Variants in TYR observed in about 807,000 individuals in gnomAD.
TYR encodes the protein tyrosinase.
In TYR, 58 loss-of-function variants were observed where a neutral mutation model predicts 51.5. The observed-to-expected ratio is 1.13, with a 90% CI of 0.91 to 1.40. The LOEUF is 1.40. Among genes scored for constraint, TYR ranks in the 40% most tolerant of loss-of-function variants. TYR has a pLI of 0.00. For synonymous variants in TYR, 263 were observed against 235.2 expected (o/e 1.12, Z -1.08); for missense variants, 732 against 647.4 (o/e 1.13, Z -1.42).
chr11:89,181,481 T>C (rs371920909), intron 1 of TYR, among the ~76,000 whole-genome samples: 11 of 152,244 alleles, frequency 7.2e-5, no homozygotes, highest in African/African-American at 7.2e-5. Flanking sequence ...TTTGTCCAAA[T>C]TGAATGCTTA....
In TYR at chr11:89,295,245, C is replaced by A. The variant is rs1050708792; in HGVS notation, c.1469C>A (p.Ala490Asp). The A allele has an allele frequency of 6.2e-7, 1 of 1,613,972 alleles. No individual in the cohort carries two copies. Among genetic ancestry groups the A allele is most frequent in the Non-Finnish European group, 8.5e-7 (1 of 1,179,872 alleles). The change falls in exon 5 of 5, where the codon GCC becomes GAC. Residue 490 changes from alanine to aspartate, a missense_variant. By Grantham distance (126) the Ala-to-Asp change is moderately radical. Transcript: ENST00000263321. ...GAAMVGAVLT[A>D]LLAGLVSLLC... is the part of the protein sequence containing the mutation. ...GCGATGGTAGGGGCCGTCCTCACTG[C>A]CCTGCTGGCAGGGCTTGTGAGCTTG...
At chr11:89,237,555 T>G (rs75659639) in intron 3 of TYR, among the ~76,000 whole-genome samples, 23 of 152,316 alleles carry the variant, frequency 1.5e-4, no homozygotes, top group Middle Eastern at 3.4e-3. Flanking sequence ...TCAATATGTC[T>G]GTTTCTATGC....
chr11:89,180,553 GA>G (rs1239501501), intron 1 of TYR, among the ~76,000 whole-genome samples: 391 of 137,430 alleles, frequency 2.8e-3, no homozygotes, highest in South Asian at 3.2e-3. Context: ...ATACTCTCTA[GA>G]AAAAAAAAAA....
chr11:89,190,574 T>C (rs1943429468), intron 1 of TYR, among the ~76,000 whole-genome samples: 1 of 152,082 alleles, frequency 6.6e-6, no homozygotes, highest in Non-Finnish European at 1.5e-5. Context: ...AGTAAAAAAG[T>C]TACAGGAAGC....
chr11:89,241,803 A>G (rs536123135), intron 3 of TYR, among the ~76,000 whole-genome samples: 1 of 148,040 alleles, frequency 6.8e-6, no homozygotes. Flanking sequence ...CATTTTATAT[A>G]CTATATAATA....
At chr11:89,289,939 A>G (rs1944837298) in intron 4 of TYR, among the ~76,000 whole-genome samples, 1 of 152,092 alleles carries the variant, frequency 6.6e-6, no homozygotes, top group South Asian at 2.1e-4. Flanking sequence ...AGCAGTTGTA[A>G]ATTGTTTTCT....
chr11:89,190,181 C>T (rs1396021979), intron 1 of TYR, among the ~76,000 whole-genome samples: 1 of 152,114 alleles, frequency 6.6e-6, no homozygotes, highest in East Asian at 1.9e-4. Flanking sequence ...ACTTCTTCCA[C>T]TTATAAAAAA....
chr11:89,225,857 T>C (rs1231183589), intron 2 of TYR, among the ~76,000 whole-genome samples: 1 of 151,976 alleles, frequency 6.6e-6, no homozygotes, highest in Non-Finnish European at 1.5e-5. Context: ...ATTTGTAAGA[T>C]TCCCAACACA....
intron 4 of TYR, among the ~76,000 whole-genome samples, chr11:89,289,803 T>G (rs923151738): frequency 3.3e-5 from 5 of 151,988 alleles, no homozygotes; most frequent in African/African-American, 1.2e-4. Context: ...GAAACTAGTT[T>G]GAGAATCCAG....
chr11:89,260,417 C>T (rs1944443401), intron 3 of TYR, among the ~76,000 whole-genome samples: 1 of 151,988 alleles, frequency 6.6e-6, no homozygotes, highest in South Asian at 2.1e-4. Flanking sequence ...ATTCAAAGTG[C>T]TGAAAGAAAA....
chr11:89,270,329 C>A (rs1380481198), intron 3 of TYR, among the ~76,000 whole-genome samples: 1 of 151,888 alleles, frequency 6.6e-6, no homozygotes, highest in Non-Finnish European at 1.5e-5. Context: ...AAAGGGGCAC[C>A]TTGACCGACA....
chr11:89,199,649 T>A (rs1943571017), intron 2 of TYR, among the ~76,000 whole-genome samples: 1 of 152,204 alleles, frequency 6.6e-6, no homozygotes, highest in Non-Finnish European at 1.5e-5. Context: ...CAGGTTATCA[T>A]GAGAATTTAT....
chr11:89,222,466 CG>C (rs1160553504), intron 2 of TYR, among the ~76,000 whole-genome samples: 2 of 152,166 alleles, frequency 1.3e-5, no homozygotes, highest in Non-Finnish European at 2.9e-5. Context: ...GTGCCGGGCA[CG>C]GTGTCTCACG....
intron 3 of TYR, among the ~76,000 whole-genome samples, chr11:89,247,471 C>T (rs1374734810): frequency 2.0e-5 from 3 of 152,092 alleles, no homozygotes; most frequent in Non-Finnish European, 2.9e-5. Context: ...AACTAACAAC[C>T]TAAAGAATGT....
At chr11:89,270,109 C>T (rs1944571618) in intron 3 of TYR, among the ~76,000 whole-genome samples, 1 of 151,878 alleles carries the variant, frequency 6.6e-6, no homozygotes, top group South Asian at 2.1e-4. Flanking sequence ...CATGCAAACC[C>T]TACAGTGTCT....
chr11:89,209,063 T>C (rs1451788126), intron 2 of TYR, among the ~76,000 whole-genome samples: 1 of 152,112 alleles, frequency 6.6e-6, no homozygotes, highest in Admixed American at 6.6e-5. Flanking sequence ...AACTGAGGTA[T>C]CTGATTCATC....
chr11:89,272,812 C>T (rs1053971800), intron 3 of TYR, among the ~76,000 whole-genome samples: 2 of 151,926 alleles, frequency 1.3e-5, no homozygotes, highest in African/African-American at 2.4e-5. Context: ...CTTATTGCTT[C>T]ACCTGGCACT....
chr11:89,213,175 T>TA (rs1308902141), intron 2 of TYR, among the ~76,000 whole-genome samples: 3 of 152,212 alleles, frequency 2.0e-5, no homozygotes, highest in East Asian at 3.8e-4. Flanking sequence ...TATGATTGTA[T>TA]ATTTAGAAAA....
intron 3 of TYR, among the ~76,000 whole-genome samples, chr11:89,255,519 T>C (rs1944380062): frequency 6.6e-6 from 1 of 151,800 alleles, no homozygotes; most frequent in Non-Finnish European, 1.5e-5. Context: ...AATTCACCAA[T>C]AAAGTCAGCT....
Sources: gnomAD v4.1 joint callset for allele counts (sites outside exome capture counted in the v4.1 genomes callset) on GRCh38, gnomAD v4.1.1 for gene constraint, MANE v1.5 for transcripts, NCBI Gene and HGNC (gene_info 2026-07-23, HGNC 2026-07-21) for gene names.